The following CPED1 variants were observed in gnomAD, a reference collection of about 807,000 sequenced individuals.
The protein encoded by CPED1 is cadherin like and PC-esterase domain containing 1, also known as cadherin-like and PC-esterase domain-containing protein 1.
A neutral mutation model predicts 128.2 loss-of-function variants in CPED1; 114 were observed. The observed-to-expected ratio is 0.89, with a 90% CI of 0.76 to 1.04. CPED1 has a LOEUF of 1.04. Among genes scored for constraint, CPED1 ranks in the 50% least tolerant of loss-of-function variants. The probability of loss-of-function intolerance (pLI) is 0.00; values close to 1 mark genes in which losing one functional copy is unlikely to be tolerated. For missense variants in CPED1, 1,211 were observed against 1,207.1 expected (o/e 1.00, Z -0.05); for synonymous variants, 462 against 426.7 (o/e 1.08, Z -1.02).
intron 7 of CPED1, among the ~76,000 whole-genome samples, chr7:121,110,341 TTA>T: frequency 6.6e-6 from 1 of 152,150 alleles, no homozygotes; most frequent in East Asian, 1.9e-4. Flanking sequence ...AGATAATTAA[TTA>T]TACACATATA....
chr7:120,997,214 A>G (rs1412815914), intron 2 of CPED1, among the ~76,000 whole-genome samples: 1 of 152,262 alleles, frequency 6.6e-6, no homozygotes, highest in East Asian at 1.9e-4. Flanking sequence ...AAACATCCCT[A>G]ATAAAACTTA....
intron 22 of CPED1, among the ~76,000 whole-genome samples, chr7:121,278,225 A>C (rs138820511): frequency 6.6e-6 from 1 of 152,156 alleles, no homozygotes; most frequent in Non-Finnish European, 1.5e-5. Flanking sequence ...CAGAGAGGAA[A>C]TAATCAATAC....
chr7:121,013,840 A>G (rs1384084403), intron 2 of CPED1, among the ~76,000 whole-genome samples: 1 of 152,224 alleles, frequency 6.6e-6, no homozygotes, highest in Non-Finnish European at 1.5e-5. Context: ...TCTTTCTTTC[A>G]ACATGCATCT....
intron 16 of CPED1, among the ~76,000 whole-genome samples, chr7:121,192,572 C>T (rs902233166): frequency 2.0e-5 from 3 of 151,936 alleles, no homozygotes; most frequent in Admixed American, 1.3e-4. Flanking sequence ...TCTTTGTACC[C>T]GACACATAGC....
chr7:121,252,488 G>A (rs543364349), intron 18 of CPED1, among the ~76,000 whole-genome samples: 15,474 of 151,198 alleles, frequency 0.1, 1,040 homozygotes, highest in African/African-American at 0.18. Context: ...AAACTAAAGA[G>A]CTTCTGCACA....
chr7:121,126,189 T>C (rs1219426405), intron 9 of CPED1, among the ~76,000 whole-genome samples: 1 of 152,128 alleles, frequency 6.6e-6, no homozygotes, highest in African/African-American at 2.4e-5. Context: ...AAAGAGGATG[T>C]GTAGATAATA....
chr7:121,179,010 A>G (rs1427518044), intron 16 of CPED1, among the ~76,000 whole-genome samples: 1 of 152,116 alleles, frequency 6.6e-6, no homozygotes, highest in African/African-American at 2.4e-5. Flanking sequence ...GAGCCAGCAC[A>G]TACAGCAGAA....
At chr7:121,274,304 A>G (rs1034473363) in intron 22 of CPED1, among the ~76,000 whole-genome samples, 2 of 152,158 alleles carry the variant, frequency 1.3e-5, no homozygotes, top group Non-Finnish European at 2.9e-5. Flanking sequence ...GCTTATAATT[A>G]TTACTGATTA....
At chr7:121,291,235 G>A (rs1397696987) in intron 22 of CPED1, among the ~76,000 whole-genome samples, 3 of 152,196 alleles carry the variant, frequency 2.0e-5, no homozygotes, top group Admixed American at 1.3e-4. Context: ...GTCAGGTAGT[G>A]TGATGCCTCC....
intron 16 of CPED1, among the ~76,000 whole-genome samples, chr7:121,210,007 T>C (rs1295113119): frequency 1.3e-5 from 2 of 151,950 alleles, no homozygotes; most frequent in Non-Finnish European, 2.9e-5. Context: ...AAGATCTGAA[T>C]AGATATTTTT....
intron 5 of CPED1, among the ~76,000 whole-genome samples, chr7:121,068,500 C>G (rs1398341546): frequency 6.6e-6 from 1 of 151,898 alleles, no homozygotes; most frequent in Admixed American, 6.6e-5. Context: ...CAGTACCATG[C>G]TGTTTTGGTT....
chr7:121,263,085 G>A (rs1001361601), intron 18 of CPED1, among the ~76,000 whole-genome samples: 2 of 152,134 alleles, frequency 1.3e-5, no homozygotes, highest in South Asian at 2.1e-4. Context: ...AGATATTTGC[G>A]ATTTAGAAGA....
chr7:121,210,118 C>T (rs1438222060), intron 16 of CPED1, among the ~76,000 whole-genome samples: 5 of 152,042 alleles, frequency 3.3e-5, no homozygotes, highest in South Asian at 4.1e-4. Context: ...GCTATCATCT[C>T]ACCCCACTTA....
intron 13 of CPED1, among the ~76,000 whole-genome samples, chr7:121,134,890 T>C (rs1421287422): frequency 2.0e-5 from 3 of 151,992 alleles, no homozygotes; most frequent in Non-Finnish European, 4.4e-5. Context: ...CTTCTAAATG[T>C]TCATTTTAAG....
At chr7:121,159,355 A>G (rs1032635712) in intron 16 of CPED1, among the ~76,000 whole-genome samples, 1 of 152,142 alleles carries the variant, frequency 6.6e-6, no homozygotes, top group Non-Finnish European at 1.5e-5. Context: ...GGAGTGATCA[A>G]TTGGAGTTGA....
rs550223976 is a variant in CPED1 at position 121,284,846 on chromosome 7, T to A, written c.2869-10594T>A. On this transcript the variant is annotated intron_variant, in intron 22 of 22. Transcript: ENST00000310396. Reference sequence around the variant, plus strand: ...GTCTGTGGCTTTTCCAGGCACACAGTGCAAGCTGTTGGTGGATCTACCATT... The same window carrying A: ...GTCTGTGGCTTTTCCAGGCACACAGAGCAAGCTGTTGGTGGATCTACCATT... 8.5e-5 allele frequency among the ~76,000 whole-genome samples: 13 copies of A among 152,310 alleles called. No individual in the cohort carries two copies. The South Asian group carries it at 2.7e-3, about 32-fold the overall frequency.
rs1428013770 is a variant in CPED1 at position 121,295,948 on chromosome 7, C to T, written c.*296C>T. The T allele has an allele frequency of 7.5e-6, 2 of 266,060 alleles. No individual in the cohort carries two copies. Among genetic ancestry groups the T allele is most frequent in the Non-Finnish European group, 1.4e-5 (2 of 140,118 alleles). 16.5% of individuals were successfully genotyped at this position (266,060 alleles called of 1,614,324 possible). On this transcript the variant is annotated 3_prime_UTR_variant, in exon 23 of 23. Transcript: ENST00000310396. ...CAGAACCACTGTGGGCCAGGTATGG[C>T]ATTGTGATAATAAAGAGAAATATAG...
chr7:121,260,540 A>G (rs1470347567), intron 18 of CPED1, among the ~76,000 whole-genome samples: 1 of 151,842 alleles, frequency 6.6e-6, no homozygotes, highest in Non-Finnish European at 1.5e-5. Flanking sequence ...GTGGTTTTCG[A>G]CCTTAGGGCT....
intron 4 of CPED1, among the ~76,000 whole-genome samples, chr7:121,054,610 C>A (rs1003286220): frequency 7.9e-5 from 12 of 151,888 alleles, no homozygotes; most frequent in African/African-American, 2.9e-4. Flanking sequence ...TCATTTGCTG[C>A]AATTTATGTA....
Sources: gnomAD v4.1 joint callset for allele counts (sites outside exome capture counted in the v4.1 genomes callset) on GRCh38, gnomAD v4.1.1 for gene constraint, MANE v1.5 for transcripts, NCBI Gene and HGNC (gene_info 2026-07-23, HGNC 2026-07-21) for gene names.